Variants in NRXN3 observed in about 807,000 individuals in gnomAD.
The protein encoded by NRXN3 is neurexin III.
In NRXN3, 32 loss-of-function variants were observed where a neutral mutation model predicts 137.6. That is an observed-to-expected ratio of 0.23 (90% CI 0.18 to 0.31). The LOEUF (loss-of-function observed/expected upper bound fraction) is 0.31. NRXN3 is among the 10% of genes least tolerant of loss of function. NRXN3 has a pLI of 1.00. For missense variants in NRXN3, 1,574 were observed against 2,062.5 expected, an observed-to-expected ratio of 0.76 and a Z score of 4.59; for synonymous variants, 798 against 784.5, an observed-to-expected ratio of 1.02 and a Z score of -0.29.
chr14:79,141,672 T>C (rs2058798799), intron 15 of NRXN3, among the ~76,000 whole-genome samples: 1 of 152,204 alleles, frequency 6.6e-6, no homozygotes, highest in African/African-American at 2.4e-5. Flanking sequence ...TAGTTATTCT[T>C]GTTTTCTGAA....
At chr14:78,735,046 A>G (rs2098535306) in intron 8 of NRXN3, among the ~76,000 whole-genome samples, 1 of 152,188 alleles carries the variant, frequency 6.6e-6, no homozygotes, top group African/African-American at 2.4e-5. Flanking sequence ...ATGTTAAAAT[A>G]CTAGTTCTCC....
chr14:78,321,408 C>G (rs1265997215), intron 4 of NRXN3, among the ~76,000 whole-genome samples: 1 of 152,060 alleles, frequency 6.6e-6, no homozygotes, highest in Non-Finnish European at 1.5e-5. Context: ...CTTTTACCCT[C>G]TCCTGTCCTA....
At chr14:79,231,818 T>C (rs925871476) in intron 15 of NRXN3, among the ~76,000 whole-genome samples, 1 of 152,146 alleles carries the variant, frequency 6.6e-6, no homozygotes, top group Non-Finnish European at 1.5e-5. Flanking sequence ...TTTTATGAAA[T>C]AGTAGTCCTC....
intron 10 of NRXN3, among the ~76,000 whole-genome samples, chr14:78,862,544 T>C (rs1303641012): frequency 6.6e-6 from 1 of 152,104 alleles, no homozygotes; most frequent in Admixed American, 6.6e-5. Context: ...TGTTGTATGG[T>C]CTGTTTTATT....
At chr14:79,428,080 T>C (rs2095685727) in intron 15 of NRXN3, among the ~76,000 whole-genome samples, 4 of 152,146 alleles carry the variant, frequency 2.6e-5, no homozygotes, top group Admixed American at 2.6e-4. Context: ...CTTATGATAC[T>C]GGGAGTACCT....
intron 15 of NRXN3, among the ~76,000 whole-genome samples, chr14:79,042,400 A>T (rs2099626504): frequency 6.6e-6 from 1 of 152,188 alleles, no homozygotes; most frequent in African/African-American, 2.4e-5. Flanking sequence ...GGTTTGCCTT[A>T]TCCCTACCTT....
chr14:79,063,625 A>T (rs1388109774), intron 15 of NRXN3, among the ~76,000 whole-genome samples: 1 of 152,148 alleles, frequency 6.6e-6, no homozygotes, highest in African/African-American at 2.4e-5. Flanking sequence ...TTGGAAAGGT[A>T]TTTCACCACA....
At chr14:78,327,737 G>A (rs1406179135) in intron 4 of NRXN3, among the ~76,000 whole-genome samples, 1 of 152,128 alleles carries the variant, frequency 6.6e-6, no homozygotes, top group Non-Finnish European at 1.5e-5. Context: ...AGAGGAGGAG[G>A]CAGGCATCAA....
chr14:78,694,277 A>G (rs1425581583), intron 6 of NRXN3, among the ~76,000 whole-genome samples: 1 of 152,070 alleles, frequency 6.6e-6, no homozygotes, highest in Non-Finnish European at 1.5e-5. Context: ...ATGACACTCA[A>G]TAAATATATG....
chr14:78,377,373 A>G (rs2088078560), intron 4 of NRXN3, among the ~76,000 whole-genome samples: 1 of 152,236 alleles, frequency 6.6e-6, no homozygotes, highest in Non-Finnish European at 1.5e-5. Context: ...CTAAATGTAC[A>G]TGTACAAAAT....
At chr14:78,567,847 A>G (rs2096850736) in intron 4 of NRXN3, among the ~76,000 whole-genome samples, 1 of 152,030 alleles carries the variant, frequency 6.6e-6, no homozygotes, top group Non-Finnish European at 1.5e-5. Context: ...GGGACTTATA[A>G]CTGGAGAAGA....
chr14:78,681,372 A>G (rs900819107), intron 6 of NRXN3, among the ~76,000 whole-genome samples: 6 of 152,200 alleles, frequency 3.9e-5, no homozygotes, highest in Non-Finnish European at 7.4e-5. Flanking sequence ...CCTTATCCCT[A>G]TAGGCACAGA....
chr14:79,704,485 G>T (rs1467372574), intron 19 of NRXN3, among the ~76,000 whole-genome samples: 1 of 151,982 alleles, frequency 6.6e-6, no homozygotes, highest in African/African-American at 2.4e-5. Context: ...TGAGAGAAAT[G>T]AGATAAGGAA....
At chr14:78,378,918 T>C (rs750555863) in intron 4 of NRXN3, among the ~76,000 whole-genome samples, 1 of 151,736 alleles carries the variant, frequency 6.6e-6, no homozygotes, top group Non-Finnish European at 1.5e-5. Flanking sequence ...AAATTGCCAA[T>C]ATCAAAAATG....
At chr14:79,516,738 A>T (rs990584092) in intron 16 of NRXN3, among the ~76,000 whole-genome samples, 1 of 152,184 alleles carries the variant, frequency 6.6e-6, no homozygotes, top group East Asian at 1.9e-4. Context: ...AGTCCCACCT[A>T]CTAAACAAAT....
intron 19 of NRXN3, among the ~76,000 whole-genome samples, chr14:79,717,047 G>A (rs778999668): frequency 6.6e-6 from 1 of 152,138 alleles, no homozygotes; most frequent in African/African-American, 2.4e-5. Flanking sequence ...CAGAAGACAA[G>A]GCTCTTTTTC....
chr14:79,243,798 A>G (rs1476843092), intron 15 of NRXN3, among the ~76,000 whole-genome samples: 1 of 152,138 alleles, frequency 6.6e-6, no homozygotes, highest in Admixed American at 6.6e-5. Flanking sequence ...TTGTAATCCT[A>G]TGGGACCATG....
chr14:78,571,944 A>G (rs1023103436), intron 4 of NRXN3, among the ~76,000 whole-genome samples: 1 of 152,138 alleles, frequency 6.6e-6, no homozygotes, highest in African/African-American at 2.4e-5. Flanking sequence ...GCAAATGTAT[A>G]CACTGCTAAA....
intron 4 of NRXN3, among the ~76,000 whole-genome samples, chr14:78,402,753 A>C (rs1040201606): frequency 3.3e-5 from 5 of 152,220 alleles, no homozygotes; most frequent in African/African-American, 1.2e-4. Context: ...ACCTGTGCTC[A>C]TTTCTAAAAT....
Sources: allele counts gnomAD v4.1 joint callset (sites outside exome capture counted in the v4.1 genomes callset), GRCh38; gene constraint gnomAD v4.1.1; transcripts MANE v1.5; gene names NCBI Gene and HGNC (gene_info 2026-07-23, HGNC 2026-07-21).